The following CHIC2 variants were observed in gnomAD, a reference collection of about 807,000 sequenced individuals.
CHIC2 encodes the protein cysteine rich hydrophobic domain 2, also known as cysteine-rich hydrophobic domain-containing protein 2.
Under a neutral mutation model 25.9 loss-of-function variants are expected in CHIC2, and 14 were observed. The observed-to-expected ratio is 0.54, with a 90% CI of 0.36 to 0.85. The LOEUF is 0.85. CHIC2 is among the 40% of genes least tolerant of loss of function. CHIC2 has a pLI of 0.01. For missense variants in CHIC2, 146 were observed against 202.0 expected (o/e 0.72, Z 1.68); for synonymous variants, 70 against 72.0 (o/e 0.97, Z 0.14).
chr4:54,048,480 A>C lies in CHIC2; in HGVS notation c.330+475T>G, dbSNP rs865847469. Reference sequence around the variant, plus strand: ...CTTGTATGGGTACCATCTTACAGTCAGTAAGAATACTATTAATTAATACTT... The same window carrying C: ...CTTGTATGGGTACCATCTTACAGTCCGTAAGAATACTATTAATTAATACTT... On this transcript the variant is annotated intron_variant, in intron 3 of 5. Coordinates refer to ENST00000263921, the MANE Select transcript of CHIC2 (RefSeq NM_012110.4). Among the ~76,000 whole-genome samples the C allele has an allele frequency of 2.6e-5, 4 of 152,246 alleles. No individual in the cohort carries two copies. In the South Asian group the frequency reaches 8.3e-4, roughly 31 times the overall value.
At chr4:54,064,816 T>TCCCGCCGGCGGGCCC (rs1413608958), upstream of CHIC2, 2 of 253,500 alleles carry the variant, frequency 7.9e-6, no homozygotes, top group African/African-American at 2.3e-5. This position sits in a 1 kb window ranked among gnomAD's most constrained non-coding sequence, Gnocchi z 4.2. Context: ...GGGCGCGCGC[T>TCCCGCCGGCGGGCCC]CCCGCCGGCG....
chr4:54,016,934 G>A (rs1715757016), intron 3 of CHIC2, among the ~76,000 whole-genome samples: 1 of 151,324 alleles, frequency 6.6e-6, no homozygotes. Flanking sequence ...GAGCTACTGA[G>A]AATGTTTAAT....
chr4:54,045,483 G>C (rs1401842739), intron 3 of CHIC2, among the ~76,000 whole-genome samples: 2 of 152,150 alleles, frequency 1.3e-5, no homozygotes, highest in Admixed American at 1.3e-4. Context: ...TGGGATGCAA[G>C]GCTGGTTCAA....
chr4:54,079,341 A>G, the CHIC2 span, among the ~76,000 whole-genome samples: 1 of 152,110 alleles, frequency 6.6e-6, no homozygotes, highest in Admixed American at 6.5e-5. Flanking sequence ...AATTTCCTTG[A>G]CGTTGTTATT....
chr4:54,077,791 C>T, the CHIC2 span, among the ~76,000 whole-genome samples: 1 of 152,202 alleles, frequency 6.6e-6, no homozygotes, highest in South Asian at 2.1e-4. Context: ...GCCCTCCTGC[C>T]ACCCGGCTGC....
chr4:54,013,313 A>C (rs1168187541), intron 5 of CHIC2, among the ~76,000 whole-genome samples: 1 of 152,130 alleles, frequency 6.6e-6, no homozygotes, highest in African/African-American at 2.4e-5. Flanking sequence ...GATGATCAAC[A>C]TCTCATCTCC....
At chr4:54,074,151 C>A in the CHIC2 span, among the ~76,000 whole-genome samples, 3 of 151,486 alleles carry the variant, frequency 2.0e-5, no homozygotes, top group Non-Finnish European at 2.9e-5. Context: ...GTGAGAGATT[C>A]CATCTCAAAA....
chr4:54,010,297 G>C (rs956851024), intron 5 of CHIC2, 152 bp from the exon 6 acceptor site: 4 of 584,794 alleles, frequency 6.8e-6, no homozygotes, highest in Non-Finnish European at 1.2e-5. Flanking sequence ...TGATAATGCA[G>C]AGTTCCATCA....
At chr4:54,038,216 G>GA (rs1262546145) in intron 3 of CHIC2, among the ~76,000 whole-genome samples, 2 of 152,110 alleles carry the variant, frequency 1.3e-5, no homozygotes, top group Non-Finnish European at 2.9e-5. Flanking sequence ...TATCTCTGTA[G>GA]AAAATCCCAA....
chr4:54,056,541 C>A (rs1717181491), intron 1 of CHIC2, among the ~76,000 whole-genome samples: 1 of 152,088 alleles, frequency 6.6e-6, no homozygotes, highest in Non-Finnish European at 1.5e-5. Context: ...ACTGAACTAA[C>A]CAAGGCCCAC....
At chr4:54,024,913 A>AAT (rs1716012026) in intron 3 of CHIC2, among the ~76,000 whole-genome samples, 1 of 151,998 alleles carries the variant, frequency 6.6e-6, no homozygotes, top group African/African-American at 2.4e-5. Context: ...ACAACCCCAC[A>AAT]ATATCACCCC....
chr4:54,035,996 G>A (rs1170926356), intron 3 of CHIC2, among the ~76,000 whole-genome samples: 2 of 151,926 alleles, frequency 1.3e-5, no homozygotes, highest in Admixed American at 6.6e-5. Flanking sequence ...TCAAATATTT[G>A]GGAATTTTCT....
intron 5 of CHIC2, among the ~76,000 whole-genome samples, chr4:54,012,703 TATG>T (rs1306500774): frequency 2.6e-5 from 4 of 152,170 alleles, no homozygotes; most frequent in African/African-American, 9.6e-5. Context: ...TCAAATGTGT[TATG>T]ATTATAAAGA....
At chr4:54,045,789 G>A (rs1237995910) in intron 3 of CHIC2, among the ~76,000 whole-genome samples, 12 of 149,996 alleles carry the variant, frequency 8.0e-5, no homozygotes, top group South Asian at 4.3e-4. Context: ...AGTGTTGGAA[G>A]TTCTGGCCAG....
the CHIC2 span, among the ~76,000 whole-genome samples, chr4:54,070,637 G>A: frequency 1.3e-5 from 2 of 152,060 alleles, no homozygotes; most frequent in Admixed American, 1.3e-4. Context: ...TGGCCAGGCT[G>A]GTCTTGAACT....
intron 3 of CHIC2, among the ~76,000 whole-genome samples, chr4:54,047,359 T>C (rs1363332039): frequency 6.6e-6 from 1 of 152,156 alleles, no homozygotes; most frequent in Non-Finnish European, 1.5e-5. Flanking sequence ...CGTATGGTTA[T>C]TGCAGCACTA....
chr4:54,090,283 T>C, the CHIC2 span, among the ~76,000 whole-genome samples: 1 of 152,044 alleles, frequency 6.6e-6, no homozygotes, highest in Non-Finnish European at 1.5e-5. Context: ...ACCTCTCAGG[T>C]TCAAGAATTC....
intron 3 of CHIC2, among the ~76,000 whole-genome samples, chr4:54,035,957 G>T (rs1211059713): frequency 6.6e-6 from 1 of 152,112 alleles, no homozygotes; most frequent in Admixed American, 6.5e-5. Flanking sequence ...TTTGACCAAT[G>T]AGTTATTTAG....
intron 3 of CHIC2, among the ~76,000 whole-genome samples, chr4:54,030,555 T>TAC (rs201490639): frequency 2.5e-3 from 233 of 92,192 alleles, no homozygotes; most frequent in Middle Eastern, 0.013. Context: ...TATATATGTA[T>TAC]ACACACACAC....
Sources: allele counts gnomAD v4.1 joint callset (sites outside exome capture counted in the v4.1 genomes callset), GRCh38; gene constraint gnomAD v4.1.1; non-coding constraint Gnocchi (gnomAD v3.1); transcripts MANE v1.5; gene names NCBI Gene and HGNC (gene_info 2026-07-23, HGNC 2026-07-21).